The following DLC1 variants were observed in gnomAD, a reference collection of about 807,000 sequenced individuals.
DLC1 encodes the protein rho GTPase-activating protein 7.
In DLC1, 54 loss-of-function variants were observed where a neutral mutation model predicts 140.3. The observed-to-expected ratio is 0.38, with a 90% CI of 0.31 to 0.48. The LOEUF is 0.48. Among genes scored for constraint, DLC1 ranks in the 20% least tolerant of loss-of-function variants. The probability of loss-of-function intolerance (pLI) is 0.96; values close to 1 mark genes in which losing one functional copy is unlikely to be tolerated. For missense variants in DLC1, 2,536 were observed against 1,907.0 expected (o/e 1.33, Z -6.14); for synonymous variants, 986 against 728.1 (o/e 1.35, Z -5.70).
intron 5 of DLC1, among the ~76,000 whole-genome samples, chr8:13,121,753 A>T (rs527643746): frequency 2.0e-5 from 3 of 151,764 alleles, no homozygotes; most frequent in African/African-American, 7.3e-5. Flanking sequence ...GAGTCTCGCT[A>T]TGTTGCCCAG....
At chr8:13,274,116 A>C (rs1831064848) in intron 5 of DLC1, among the ~76,000 whole-genome samples, 1 of 152,136 alleles carries the variant, frequency 6.6e-6, no homozygotes, top group African/African-American at 2.4e-5. Flanking sequence ...CAGAGAAGTG[A>C]CTTTTTGTGG....
At chr8:13,590,523 A>G (rs556816873) in intron 1 of DLC1, among the ~76,000 whole-genome samples, 5 of 152,204 alleles carry the variant, frequency 3.3e-5, no homozygotes, top group Non-Finnish European at 7.4e-5. Context: ...GGAAGACACC[A>G]GTGTTTTCTA....
chr8:13,471,221 A>G (rs1278710424), intron 2 of DLC1, among the ~76,000 whole-genome samples: 1 of 151,762 alleles, frequency 6.6e-6, no homozygotes, highest in Non-Finnish European at 1.5e-5. Context: ...TATTCTGGAG[A>G]CCTAACGTAC....
At position 13,542,318 on chromosome 8, in the gene DLC1, A is replaced by T. The variant is rs528287618; in HGVS notation, c.-125-42122T>A. Among the ~76,000 whole-genome samples the T allele has an allele frequency of 9.9e-5, 15 of 152,240 alleles. No individual in the cohort carries two copies. The South Asian group carries it at 3.1e-3, about 32-fold the overall frequency. On this transcript the variant is annotated intron_variant, in intron 1 of 1. Coordinates refer to the DLC1 transcript ENST00000631382. ...TTGTTGAAAGGACAATTCTTTCTTC[A>T]TTGGACTGCCTTTGCATTTTGCTGA...
At chr8:13,231,860 G>A (rs1396598364) in intron 5 of DLC1, among the ~76,000 whole-genome samples, 1 of 152,188 alleles carries the variant, frequency 6.6e-6, no homozygotes, top group Non-Finnish European at 1.5e-5. Flanking sequence ...CTTGTATGTA[G>A]ATATGCTTAA....
At position 13,499,821 on chromosome 8, in the gene DLC1, T is replaced by A. The variant is rs747514898; in HGVS notation, c.251A>T (p.Asp84Val). The A allele has an allele frequency of 1.9e-6, 3 of 1,613,946 alleles. No homozygotes were observed. The highest frequency in any genetic ancestry group is 2.2e-5 in the South Asian group (2 of 91,090). The change falls in exon 2 of 18, where the codon GAT (aspartate) becomes GTT (valine). Residue 84 changes from aspartate to valine, a missense_variant. By Grantham distance (152) the Asp-to-Val change is radical. Transcript: ENST00000276297. ...PGRPMGHLSK[D>V]VDENDSHEGE... ...TTCATGGCTGTCATTTTCGTCCACA[T>A]CCTTTGAAAGATGACCCATTGGCCT...
chr8:13,589,247 A>G (rs531859671), intron 1 of DLC1, among the ~76,000 whole-genome samples: 92 of 152,236 alleles, frequency 6.0e-4, no homozygotes, highest in Middle Eastern at 3.4e-3. Flanking sequence ...ATGTTATAAT[A>G]GAACTGAGAT....
intron 5 of DLC1, among the ~76,000 whole-genome samples, chr8:13,260,049 C>T (rs1259674725): frequency 6.6e-6 from 1 of 152,018 alleles, no homozygotes; most frequent in Non-Finnish European, 1.5e-5. Flanking sequence ...TTAAAGAAAA[C>T]ACACAAACAG....
intron 2 of DLC1, among the ~76,000 whole-genome samples, chr8:13,484,790 A>G (rs991033450): frequency 6.6e-6 from 1 of 151,908 alleles, no homozygotes; most frequent in African/African-American, 2.4e-5. Context: ...GCCATCTGTC[A>G]TATATACAGA....
At chr8:13,245,279 A>G (rs576932788) in intron 5 of DLC1, among the ~76,000 whole-genome samples, 1 of 152,298 alleles carries the variant, frequency 6.6e-6, no homozygotes, top group Non-Finnish European at 1.5e-5. Flanking sequence ...AGACACCTCT[A>G]TGTGATTCTG....
rs150059943 is a variant in DLC1 at position 13,328,423 on chromosome 8, G to A, written c.1315-23121C>T. ...CGGGAGTGTAGAAGACGTCACAGTCGAAGAAGCCTCTCAGATTCTTGCCCT... is the reference window on the plus strand; with the variant it reads ...CGGGAGTGTAGAAGACGTCACAGTCAAAGAAGCCTCTCAGATTCTTGCCCT... On this transcript the variant is annotated intron_variant, in intron 4 of 17. Transcript: ENST00000276297. 6.6e-4 allele frequency among the ~76,000 whole-genome samples: 100 copies of A among 152,194 alleles called. 1 individual carries two copies. The highest frequency in any genetic ancestry group is 2.7e-3 in the South Asian group (13 of 4,812).
At chr8:13,568,228 A>G (rs2117403223) in intron 1 of DLC1, 3 of 303,156 alleles carry the variant, frequency 9.9e-6, no homozygotes, top group Middle Eastern at 1.1e-3. Flanking sequence ...AAAAGTAATA[A>G]CTGTCTTTGG....
At chr8:13,413,256 A>ACTTTTTTTTTTTTTTTTTTTTTTTTTTTT (rs1491415150) in intron 2 of DLC1, among the ~76,000 whole-genome samples, 1 of 82,006 alleles carries the variant, frequency 1.2e-5, no homozygotes. Flanking sequence ...TTTTTTTGCG[A>ACTTTTTTTTTTTTTTTTTTTTTTTTTTTT]TTTTTTTTTT....
chr8:13,297,282 T>TAAAAAAAAAAAAAAAAAAAAAAAAAA (rs60048506), intron 5 of DLC1, among the ~76,000 whole-genome samples: 349 of 9,614 alleles, frequency 0.036, 139 homozygotes, highest in East Asian at 0.061. Flanking sequence ...CTTCATACAT[T>TAAAAAAAAAAAAAAAAAAAAAAAAAA]AAAAAAAAAA....
chr8:13,568,701 A>G (rs958555321), intron 1 of DLC1, among the ~76,000 whole-genome samples: 2 of 152,226 alleles, frequency 1.3e-5, no homozygotes, highest in Non-Finnish European at 2.9e-5. Flanking sequence ...AAGTGGATCA[A>G]GGAAATCAGG....
chr8:13,446,662 A>G (rs1179789234), intron 2 of DLC1, among the ~76,000 whole-genome samples: 1 of 151,900 alleles, frequency 6.6e-6, no homozygotes, highest in African/African-American at 2.4e-5. Context: ...GAAATAAGAA[A>G]AGGAATGGTG....
At chr8:13,524,465 C>T (rs542152077) in intron 1 of DLC1, among the ~76,000 whole-genome samples, 67 of 152,090 alleles carry the variant, frequency 4.4e-4, no homozygotes, top group South Asian at 3.7e-3. Context: ...TGTTGCTTTT[C>T]GCTATGTATT....
chr8:13,456,609 C>T (rs893888222), intron 2 of DLC1, among the ~76,000 whole-genome samples: 1 of 152,120 alleles, frequency 6.6e-6, no homozygotes, highest in Non-Finnish European at 1.5e-5. Flanking sequence ...TAGGCTTGCT[C>T]CACTATGCCT....
intron 10 of DLC1, chr8:13,096,145 T>C (rs913558397): frequency 9.9e-5 from 15 of 152,162 alleles, no homozygotes; most frequent in African/African-American, 3.6e-4. Flanking sequence ...AAAAGAACCT[T>C]GTGTAGGATT....
Sources: allele counts gnomAD v4.1 joint callset (sites outside exome capture counted in the v4.1 genomes callset), GRCh38; gene constraint gnomAD v4.1.1; transcripts MANE v1.5; gene names NCBI Gene and HGNC (gene_info 2026-07-23, HGNC 2026-07-21).